MB21D2: variants seen among roughly 807,000 people sequenced by gnomAD.
MB21D2 encodes the protein nucleotidyltransferase MB21D2.
In MB21D2, 9 loss-of-function variants were observed where a neutral mutation model predicts 33.3. The ratio of observed to expected loss-of-function variants is 0.27; its 90% CI spans 0.16 to 0.47. The LOEUF (loss-of-function observed/expected upper bound fraction) is 0.47. Ranked by LOEUF, MB21D2 falls within the 20% of genes least tolerant of loss-of-function variation. MB21D2 has a pLI of 0.99. For synonymous variants in MB21D2, 241 were observed against 236.3 expected, an observed-to-expected ratio of 1.02 and a Z score of -0.18; for missense variants, 540 against 624.6, an observed-to-expected ratio of 0.86 and a Z score of 1.44.
At position 192,893,272 on chromosome 3, in the gene MB21D2, AC is replaced by A. The variant is rs150260336; in HGVS notation, c.211+24357del. Reference sequence around the variant, plus strand: ...TTTACTTCTTCGAATGAGAACCGAAACTGCGTTCCAAACATTTCCTTGAAAT... The same window carrying A: ...TTTACTTCTTCGAATGAGAACCGAAATGCGTTCCAAACATTTCCTTGAAAT... On this transcript the variant is annotated intron_variant, in intron 1 of 1. Transcript: ENST00000392452. 2.1e-3 allele frequency among the ~76,000 whole-genome samples: 325 copies of A among 152,326 alleles called. 2 individuals carry two copies. Among genetic ancestry groups the A allele is most frequent in the African/African-American group, 7.5e-3 (313 of 41,566 alleles).
At chr3:192,861,336 AC>A (rs1233994006) in intron 1 of MB21D2, among the ~76,000 whole-genome samples, 3 of 152,152 alleles carry the variant, frequency 2.0e-5, no homozygotes, top group African/African-American at 4.8e-5. Flanking sequence ...TCTAATTAGT[AC>A]CCAAGTGTCA....
At chr3:192,888,395 T>G (rs528529723) in intron 1 of MB21D2, among the ~76,000 whole-genome samples, 98 of 152,282 alleles carry the variant, frequency 6.4e-4, no homozygotes, top group African/African-American at 2.3e-3. Context: ...GAAGCTCTAG[T>G]AAATTCCATT....
At chr3:192,880,111 G>A (rs916037704) in intron 1 of MB21D2, among the ~76,000 whole-genome samples, 5 of 152,072 alleles carry the variant, frequency 3.3e-5, no homozygotes, top group East Asian at 1.9e-4. Flanking sequence ...TTGGGAGACC[G>A]ATGCAGGCAG....
intron 1 of MB21D2, among the ~76,000 whole-genome samples, chr3:192,870,791 A>T (rs9849494): frequency 0.59 from 88,348 of 149,504 alleles, 27,579 homozygotes; most frequent in African/African-American, 0.78. Context: ...TAAAAAAAAA[A>T]TGCAAAACCG....
chr3:192,875,015 T>A (rs1209399730), intron 1 of MB21D2, among the ~76,000 whole-genome samples: 1 of 149,060 alleles, frequency 6.7e-6, no homozygotes, highest in Non-Finnish European at 1.5e-5. Flanking sequence ...CTGTCCCTAT[T>A]AAAAAAAAAA....
Position 192,909,936 on chromosome 3 carries a change from CAAAAAAAAA to C in MB21D2, c.211+7685_211+7693del, listed in dbSNP as rs61613458. Among the ~76,000 whole-genome samples, 11 of 52,820 alleles carry C rather than the reference CAAAAAAAAA, an allele frequency of 2.1e-4. No individual in the cohort carries two copies. In the East Asian group the frequency reaches 2.8e-3, roughly 13 times the overall value. 34.7% of individuals were successfully genotyped at this position (52,820 alleles called of 152,430 possible). On this transcript the variant is annotated intron_variant, in intron 1 of 1. Transcript: ENST00000392452. ...TGAGTGACAGAGCAAGACTCTGTCT[CAAAAAAAAA>C]AAAAAAAAAAAAAAAAAAGAAAGAG...
intron 1 of MB21D2, among the ~76,000 whole-genome samples, chr3:192,903,274 G>T (rs79926231): frequency 0.062 from 9,401 of 152,058 alleles, 307 homozygotes; most frequent in African/African-American, 0.068. Flanking sequence ...CCTCCATTCC[G>T]CCCAAAAGTA....
chr3:192,851,585 C>A (rs1712807752), intron 1 of MB21D2, among the ~76,000 whole-genome samples: 1 of 145,604 alleles, frequency 6.9e-6, no homozygotes, highest in Non-Finnish European at 1.5e-5. Context: ...ACCTCCGTCT[C>A]CCGGATTCAA....
chr3:192,831,863 C>G (rs1227993310), intron 1 of MB21D2, among the ~76,000 whole-genome samples: 2 of 152,182 alleles, frequency 1.3e-5, no homozygotes, highest in African/African-American at 4.8e-5. Flanking sequence ...GGGCAGCATC[C>G]TGAAGCACCA....
intron 1 of MB21D2, among the ~76,000 whole-genome samples, chr3:192,888,955 C>T (rs1713792017): frequency 6.6e-6 from 1 of 151,908 alleles, no homozygotes; most frequent in Admixed American, 6.6e-5. Flanking sequence ...CTGGTAGAGT[C>T]TAAGGGACTC....
chr3:192,896,814 C>T (rs761014907), intron 1 of MB21D2, among the ~76,000 whole-genome samples: 14 of 152,164 alleles, frequency 9.2e-5, no homozygotes, highest in Non-Finnish European at 1.8e-4. Flanking sequence ...AAAGTTCCAG[C>T]GTTGGTGTGT....
chr3:192,906,531 C>T (rs892163357), intron 1 of MB21D2, among the ~76,000 whole-genome samples: 3 of 152,186 alleles, frequency 2.0e-5, no homozygotes, highest in African/African-American at 7.2e-5. Context: ...AATACACTTC[C>T]ACCCAGTCTT....
rs79222997 is a variant in MB21D2 at position 192,809,871 on chromosome 3, G to C, written c.212-10221C>G. Among the ~76,000 whole-genome samples, 589 of 152,346 alleles carry C rather than the reference G, an allele frequency of 3.9e-3. 2 individuals carry two copies. Among genetic ancestry groups the C allele is most frequent in the African/African-American group, 0.013 (548 of 41,558 alleles). On this transcript the variant is annotated intron_variant, in intron 1 of 1. Transcript: ENST00000392452. ...AACTTTCAGAGAACATTCCACAAGT[G>C]TTTTAATCACAACAGCATCCCTGAA...
intron 1 of MB21D2, among the ~76,000 whole-genome samples, chr3:192,874,453 C>T (rs752002410): frequency 6.6e-6 from 1 of 152,168 alleles, no homozygotes; most frequent in Non-Finnish European, 1.5e-5. Flanking sequence ...AAAACAAATG[C>T]ATCCACAAAC....
intron 1 of MB21D2, among the ~76,000 whole-genome samples, chr3:192,875,307 C>G (rs1713406412): frequency 6.6e-6 from 1 of 152,146 alleles, no homozygotes; most frequent in Admixed American, 6.5e-5. Context: ...TACCTGGCAT[C>G]TAGAAGATAC....
chr3:192,896,389 G>A (rs531481226), intron 1 of MB21D2, among the ~76,000 whole-genome samples: 1 of 120,984 alleles, frequency 8.3e-6, no homozygotes, highest in East Asian at 2.2e-4. Flanking sequence ...TCAGAGATGA[G>A]GTCTTTCTAT....
intron 1 of MB21D2, among the ~76,000 whole-genome samples, chr3:192,893,322 C>A (rs1713895449): frequency 6.6e-6 from 1 of 152,222 alleles, no homozygotes; most frequent in African/African-American, 2.4e-5. Context: ...CTCAAACCGA[C>A]CACCACTGCA....
intron 1 of MB21D2, among the ~76,000 whole-genome samples, chr3:192,827,628 C>T (rs987724937): frequency 6.6e-6 from 1 of 152,110 alleles, no homozygotes; most frequent in African/African-American, 2.4e-5. Flanking sequence ...AAAGTAGAGT[C>T]AGAAACTAAA....
intron 1 of MB21D2, among the ~76,000 whole-genome samples, chr3:192,832,567 G>C (rs1037538823): frequency 1.3e-5 from 2 of 152,170 alleles, no homozygotes; most frequent in African/African-American, 4.8e-5. Flanking sequence ...TGAGGCGGGC[G>C]GATCACGAGG....
Sources: allele counts gnomAD v4.1 joint callset (sites outside exome capture counted in the v4.1 genomes callset), GRCh38; gene constraint gnomAD v4.1.1; transcripts MANE v1.5; gene names NCBI Gene and HGNC (gene_info 2026-07-23, HGNC 2026-07-21).